Variants in SPOCK1 observed in about 807,000 individuals in gnomAD.
SPOCK1 encodes testican-1.
Under a neutral mutation model 55.3 loss-of-function variants are expected in SPOCK1, and 23 were observed. That is an observed-to-expected ratio of 0.42 (90% confidence interval 0.30 to 0.59). The LOEUF (loss-of-function observed/expected upper bound fraction) is 0.59, where lower values mean the gene tolerates loss of function less well. SPOCK1 is among the 20% of genes least tolerant of loss of function. The pLI is 0.22. For missense variants in SPOCK1, 499 were observed against 552.5 expected (o/e 0.90, Z 0.97); for synonymous variants, 226 against 221.0 (o/e 1.02, Z -0.20).
chr5:137,464,178 G>A (rs766980224), intron 2 of SPOCK1, among the ~76,000 whole-genome samples: 9 of 151,988 alleles, frequency 5.9e-5, no homozygotes, highest in Non-Finnish European at 7.4e-5. Context: ...GTGCAGGCCC[G>A]TAGTCCCAGC....
intron 3 of SPOCK1, among the ~76,000 whole-genome samples, chr5:137,195,871 A>G (rs1485668017): frequency 6.6e-6 from 1 of 152,180 alleles, no homozygotes; most frequent in African/African-American, 2.4e-5. Flanking sequence ...TCTGGGTAGT[A>G]GTAAATATGC....
chr5:137,318,224 C>G (rs903120703), intron 2 of SPOCK1, among the ~76,000 whole-genome samples: 1 of 152,094 alleles, frequency 6.6e-6, no homozygotes, highest in Non-Finnish European at 1.5e-5. Context: ...GCTGTCCCCC[C>G]GCTGCCTCCA....
chr5:137,364,349 T>A (rs1256954123), intron 2 of SPOCK1, among the ~76,000 whole-genome samples: 1 of 152,170 alleles, frequency 6.6e-6, no homozygotes, highest in Non-Finnish European at 1.5e-5. Flanking sequence ...CCAGGCACCA[T>A]GGGGCTTAAC....
intron 4 of SPOCK1, among the ~76,000 whole-genome samples, chr5:137,115,847 CT>C (rs1240177433): frequency 1.3e-5 from 2 of 152,276 alleles, no homozygotes; most frequent in Non-Finnish European, 2.9e-5. Context: ...ATATTTTAAT[CT>C]CCACAATTCA....
chr5:137,191,081 C>A (rs1224154249), intron 3 of SPOCK1, among the ~76,000 whole-genome samples: 1 of 152,180 alleles, frequency 6.6e-6, no homozygotes, highest in Non-Finnish European at 1.5e-5. Flanking sequence ...TCCATTAATT[C>A]TTCTGTCTTA....
intron 3 of SPOCK1, among the ~76,000 whole-genome samples, chr5:137,233,713 C>CTTTTTTTTTTTTTTTT (rs56328555): frequency 2.4e-4 from 14 of 58,410 alleles, no homozygotes; most frequent in East Asian, 1.2e-3. Flanking sequence ...AGGATATGCA[C>CTTTTTTTTTTTTTTTT]TTTTTTTTTT....
intron 2 of SPOCK1, among the ~76,000 whole-genome samples, chr5:137,414,701 A>G (rs759050357): frequency 5.3e-5 from 8 of 152,198 alleles, no homozygotes; most frequent in Non-Finnish European, 1.2e-4. Flanking sequence ...AAATAAAATA[A>G]CAGAGATTTA....
At chr5:137,346,767 C>T (rs1021432815) in intron 2 of SPOCK1, among the ~76,000 whole-genome samples, 2 of 152,182 alleles carry the variant, frequency 1.3e-5, no homozygotes, top group Non-Finnish European at 2.9e-5. Context: ...GTGTGCCAGG[C>T]CCAGTGTTAG....
intron 6 of SPOCK1, among the ~76,000 whole-genome samples, chr5:136,995,481 G>T (rs1751023000): frequency 6.6e-6 from 1 of 152,168 alleles, no homozygotes; most frequent in African/African-American, 2.4e-5. Flanking sequence ...ACACTGCCCT[G>T]CTCTAAGCAG....
intron 5 of SPOCK1, among the ~76,000 whole-genome samples, chr5:137,109,110 G>A (rs1157088849): frequency 6.6e-6 from 1 of 152,180 alleles, no homozygotes; most frequent in Non-Finnish European, 1.5e-5. Context: ...GGGGTTTGAT[G>A]TACAATACGC....
chr5:137,105,183 C>T (rs1753342159), intron 5 of SPOCK1, among the ~76,000 whole-genome samples: 2 of 152,244 alleles, frequency 1.3e-5, no homozygotes, highest in Admixed American at 1.3e-4. Flanking sequence ...AACGCCATTG[C>T]TATTGCCATT....
chr5:137,167,323 A>T (rs1223885486), intron 3 of SPOCK1, among the ~76,000 whole-genome samples: 1 of 152,040 alleles, frequency 6.6e-6, no homozygotes, highest in African/African-American at 2.4e-5. Flanking sequence ...ATATAAAGTA[A>T]ATATTTGATC....
intron 5 of SPOCK1, among the ~76,000 whole-genome samples, chr5:137,068,699 A>G (rs1341326826): frequency 3.9e-5 from 6 of 152,240 alleles, no homozygotes; most frequent in Non-Finnish European, 7.3e-5. Context: ...CTTGCAAAAG[A>G]TCACAAAGCT....
At chr5:136,985,527 T>C (rs1483260063) in intron 8 of SPOCK1, among the ~76,000 whole-genome samples, 1 of 151,830 alleles carries the variant, frequency 6.6e-6, no homozygotes, top group Non-Finnish European at 1.5e-5. Flanking sequence ...AAGCAAGTAA[T>C]CAGCCAAGGC....
At chr5:137,257,561 A>C (rs556189255) in intron 3 of SPOCK1, among the ~76,000 whole-genome samples, 4 of 152,326 alleles carry the variant, frequency 2.6e-5, no homozygotes, top group African/African-American at 9.6e-5. Flanking sequence ...ACTGTAAGAA[A>C]TAAATTTCTA....
At chr5:137,068,772 C>A (rs181179363) in intron 5 of SPOCK1, among the ~76,000 whole-genome samples, 1 of 152,196 alleles carries the variant, frequency 6.6e-6, no homozygotes, top group African/African-American at 2.4e-5. Context: ...ATACAGACAT[C>A]CCATACTGAA....
chr5:136,999,931 C>A (rs1421307005), intron 6 of SPOCK1, among the ~76,000 whole-genome samples: 1 of 152,122 alleles, frequency 6.6e-6, no homozygotes, highest in Non-Finnish European at 1.5e-5. Flanking sequence ...TGCATGAAAT[C>A]TTTCAGCTAA....
intron 2 of SPOCK1, among the ~76,000 whole-genome samples, chr5:137,427,907 TAAAAAA>T (rs75837887): frequency 1.9e-5 from 2 of 104,194 alleles, no homozygotes; most frequent in African/African-American, 7.8e-5. Context: ...AGACTCCGTC[TAAAAAA>T]AAAAAAAAAA....
chr5:137,004,639 T>C (rs1472040387), intron 6 of SPOCK1, among the ~76,000 whole-genome samples: 3 of 152,086 alleles, frequency 2.0e-5, no homozygotes, highest in Non-Finnish European at 4.4e-5. Flanking sequence ...CAGCATGACA[T>C]AGCTAGTAAT....
Sources: allele counts gnomAD v4.1 joint callset (sites outside exome capture counted in the v4.1 genomes callset), GRCh38; gene constraint gnomAD v4.1.1; transcripts MANE v1.5; gene names NCBI Gene and HGNC (gene_info 2026-07-23, HGNC 2026-07-21).